The following THSD4 variants were observed in gnomAD, a reference collection of about 807,000 sequenced individuals.
THSD4 encodes thrombospondin type 1 domain containing 4.
In THSD4, 69 loss-of-function variants were observed where a neutral mutation model predicts 119.0. The ratio of observed to expected loss-of-function variants is 0.58; its 90% confidence interval spans 0.48 to 0.71. The LOEUF is 0.71. Ranked by LOEUF, THSD4 falls within the 30% of genes least tolerant of loss-of-function variation. The probability of loss-of-function intolerance (pLI) is 0.00; values close to 1 mark genes in which losing one functional copy is unlikely to be tolerated. For missense variants in THSD4, 1,393 were observed against 1,391.1 expected (o/e 1.00, Z -0.02); for synonymous variants, 524 against 540.4 (o/e 0.97, Z 0.42).
At chr15:71,123,672 T>C (rs1259000780) in intron 1 of THSD4, among the ~76,000 whole-genome samples, 2 of 152,036 alleles carry the variant, frequency 1.3e-5, no homozygotes, top group Non-Finnish European at 1.5e-5. Context: ...CAGACAGGCA[T>C]CAGATTCAGA....
At chr15:71,238,812 G>T (rs2044128021) in intron 4 of THSD4, among the ~76,000 whole-genome samples, 1 of 152,076 alleles carries the variant, frequency 6.6e-6, no homozygotes, top group Admixed American at 6.6e-5. Context: ...ATATACCTAG[G>T]ACTGCAATTG....
chr15:71,736,137 C>CTT (rs1491166153), intron 10 of THSD4, among the ~76,000 whole-genome samples: 1 of 89,394 alleles, frequency 1.1e-5, no homozygotes, highest in African/African-American at 4.7e-5. Flanking sequence ...CTCTCTCTTG[C>CTT]TCTCTCTCCG....
rs144181966 is a variant in THSD4, at chr15:71,610,005, G to T, written c.1153-50525G>T. On this transcript the variant is annotated intron_variant, in intron 7 of 17. Coordinates refer to ENST00000261862, the MANE Select transcript of THSD4 (RefSeq NM_024817.3). ...AGCCAAATTAAATACAGGCGGCCTG[G>T]CATGGAATCCGAGACTGTCATCGAC... 4.7e-3 allele frequency among the ~76,000 whole-genome samples: 710 copies of T among 152,294 alleles called. 7 individuals are homozygous for T. The highest frequency in any genetic ancestry group is 0.016 in the African/African-American group (653 of 41,566).
intron 1 of THSD4, among the ~76,000 whole-genome samples, chr15:71,108,439 C>T (rs761819654): frequency 2.6e-5 from 4 of 152,268 alleles, no homozygotes; most frequent in Admixed American, 6.5e-5. Context: ...TGCTTTGAGC[C>T]GGGAAGATCC....
chr15:71,254,851 A>C (rs2044296662), intron 5 of THSD4, among the ~76,000 whole-genome samples: 1 of 152,170 alleles, frequency 6.6e-6, no homozygotes, highest in South Asian at 2.1e-4. Flanking sequence ...GTCAGAGCTC[A>C]GCCCACCCTG....
chr15:71,714,673 CCT>C (rs1486894631), intron 8 of THSD4, among the ~76,000 whole-genome samples: 1 of 151,900 alleles, frequency 6.6e-6, no homozygotes. Context: ...ATGGTGAAAC[CCT>C]GTCTCTCCTA....
chr15:71,665,578 T>A (rs1038348631), intron 8 of THSD4, among the ~76,000 whole-genome samples: 5 of 152,236 alleles, frequency 3.3e-5, no homozygotes, highest in African/African-American at 1.2e-4. Flanking sequence ...TGCTAGTTCC[T>A]GTGTCCAGAA....
chr15:71,553,843 G>A (rs1045206205), intron 7 of THSD4, among the ~76,000 whole-genome samples: 16 of 151,700 alleles, frequency 1.1e-4, no homozygotes, highest in Non-Finnish European at 1.9e-4. Flanking sequence ...TCTTAATGTC[G>A]GACTGTCTTT....
intron 10 of THSD4, among the ~76,000 whole-genome samples, chr15:71,737,340 AAGG>A (rs2053133771): frequency 1.3e-5 from 2 of 152,354 alleles, no homozygotes; most frequent in African/African-American, 4.8e-5. Flanking sequence ...GCACCTTCAA[AAGG>A]AGTTTAGGGA....
In THSD4 at chr15:71,307,743, C is replaced by T. The variant is rs144436884; in HGVS notation, c.1015+51028C>T. On this transcript the variant is annotated intron_variant, in intron 6 of 17. Transcript: ENST00000261862. Reference sequence around the variant, plus strand: ...AGATCGCACCACTGCACTCTCCAGCCTGGGCGACAGAGCTAGACTCCATCT... The same window carrying T: ...AGATCGCACCACTGCACTCTCCAGCTTGGGCGACAGAGCTAGACTCCATCT... 8.6e-4 allele frequency among the ~76,000 whole-genome samples: 131 copies of T among 152,284 alleles called. 2 individuals carry two copies. Among genetic ancestry groups the T allele is most frequent in the African/African-American group, 2.8e-3 (117 of 41,558 alleles).
intron 7 of THSD4, among the ~76,000 whole-genome samples, chr15:71,550,473 G>T (rs548445873): frequency 6.6e-6 from 1 of 152,298 alleles, no homozygotes; most frequent in Non-Finnish European, 1.5e-5. Context: ...GTCTTGCTCT[G>T]TCGCCCAGAC....
rs149940854 is a variant in THSD4, at chr15:71,285,583, T to C, written c.1015+28868T>C. Among the ~76,000 whole-genome samples, 1,271 of 152,168 alleles carry C rather than the reference T, an allele frequency of 8.4e-3. 13 individuals carry two copies. The highest frequency in any genetic ancestry group is 0.029 in the African/African-American group (1,208 of 41,522). On this transcript the variant is annotated intron_variant, in intron 6 of 17. Coordinates refer to ENST00000261862, the MANE Select transcript of THSD4 (RefSeq NM_024817.3). ...TCTTTTATTAAAAAACAGCCGGGTG[T>C]GGTGGCTCATGCCTGTAATCCCAGC...
intron 17 of THSD4, among the ~76,000 whole-genome samples, chr15:71,771,872 G>A (rs1390157855): frequency 1.3e-5 from 2 of 152,154 alleles, no homozygotes; most frequent in South Asian, 2.1e-4. Context: ...CATGGGCTGC[G>A]GTTCATGAGG....
At position 71,748,531 on chromosome 15, in the gene THSD4, C is replaced by T; in HGVS notation, c.2352C>T (p.Asp784=). 4 of 1,614,222 alleles carry T rather than the reference C, an allele frequency of 2.5e-6. No individual in the cohort carries two copies. The highest frequency in any genetic ancestry group is 3.4e-6 in the Non-Finnish European group (4 of 1,180,040). ...GCAACATGAAGCTCCGGCCGAATGA[C>T]ATTGAGAACTGCGACATGGGACCCT... ...EECNMKLRPN[D]IENCDMGPCA... is the part of the protein sequence containing the mutation. The change falls in exon 14 of 18, where the codon GAC becomes GAT. Residue 784 remains aspartate (D), a synonymous_variant. Transcript: ENST00000261862.
At chr15:71,272,767 G>A (rs2044547145) in intron 6 of THSD4, among the ~76,000 whole-genome samples, 1 of 152,108 alleles carries the variant, frequency 6.6e-6, no homozygotes, top group Admixed American at 6.5e-5. Flanking sequence ...AGGAGGCTGA[G>A]GCAGGAGAAT....
intron 2 of THSD4, among the ~76,000 whole-genome samples, chr15:71,143,379 G>A (rs1199360605): frequency 6.6e-6 from 1 of 152,154 alleles, no homozygotes; most frequent in Non-Finnish European, 1.5e-5. Flanking sequence ...ATAGGGTAGT[G>A]AGAAATGCAG....
intron 7 of THSD4, among the ~76,000 whole-genome samples, chr15:71,460,399 A>G (rs533831712): frequency 1.3e-5 from 2 of 149,458 alleles, no homozygotes; most frequent in East Asian, 2.0e-4. Context: ...CTTAAGTATC[A>G]TGCCTGTCCT....
chr15:71,261,348 C>G (rs1003049561), intron 6 of THSD4, among the ~76,000 whole-genome samples: 1 of 152,068 alleles, frequency 6.6e-6, no homozygotes, highest in African/African-American at 2.4e-5. Flanking sequence ...GTGGAAGGAT[C>G]CTTCCTCCAG....
chr15:71,117,137 T>C (rs2040369900), intron 1 of THSD4, among the ~76,000 whole-genome samples: 1 of 151,912 alleles, frequency 6.6e-6, no homozygotes, highest in African/African-American at 2.4e-5. Context: ...AGCAACTGGG[T>C]TGGTTTCTTG....
Sources: gnomAD v4.1 joint callset for allele counts (sites outside exome capture counted in the v4.1 genomes callset) on GRCh38, gnomAD v4.1.1 for gene constraint, MANE v1.5 for transcripts, NCBI Gene and HGNC (gene_info 2026-07-23, HGNC 2026-07-21) for gene names.